APH1A: variants seen among roughly 807,000 people sequenced by gnomAD.
APH1A encodes the protein aph-1A gamma-secretase subunit.
APH1A carries 16 observed loss-of-function variants against 30.3 expected under a neutral mutation model. That is an observed-to-expected ratio of 0.53 (90% CI 0.36 to 0.80). The LOEUF is 0.80. Ranked by LOEUF, APH1A falls within the 30% of genes least tolerant of loss-of-function variation. The pLI is 0.01. For missense variants in APH1A, 245 were observed against 337.8 expected, an observed-to-expected ratio of 0.73 and a Z score of 2.15; for synonymous variants, 144 against 140.1, an observed-to-expected ratio of 1.03 and a Z score of -0.20.
chr1:150,267,501 CA>C, intron 3 of APH1A, 23 bp from the exon 4 acceptor site: 1 of 1,612,894 alleles, frequency 6.2e-7, no homozygotes, highest in Non-Finnish European at 8.5e-7. Flanking sequence ...AGGATCTCAT[CA>C]ATGTCAGAGA....
Position 150,267,483 on chromosome 1 carries a change from G to A in APH1A, c.359-5C>T, listed in dbSNP as rs782191839. 6.8e-6 allele frequency: 11 copies of A among 1,613,818 alleles called. No homozygotes were observed. The highest frequency in any genetic ancestry group is 6.7e-5 in the Admixed American group (4 of 59,996). On this transcript the variant is annotated splice_polypyrimidine_tract_variant and splice_region_variant and intron_variant, in intron 3 of 6. Coordinates refer to ENST00000369109, the MANE Select transcript of APH1A (RefSeq NM_001077628.3). Reference sequence around the variant, plus strand: ...TACCGAAGGAGAGACCAGAAACTGGGGGAAGGGAGGATCTCATCAATGTCA... The same window carrying A: ...TACCGAAGGAGAGACCAGAAACTGGAGGAAGGGAGGATCTCATCAATGTCA...
At position 150,265,923 on chromosome 1, in the gene APH1A, A is replaced by C. The variant is rs1267163504; in HGVS notation, c.*207T>G. On this transcript the variant is annotated 3_prime_UTR_variant, in exon 7 of 7. Coordinates refer to ENST00000369109, the MANE Select transcript of APH1A (RefSeq NM_001077628.3). The stretch of plus-strand genomic sequence containing the variant: ...AAATGGTTCCCCCTCAGGCCTGAGA[A>C]AAAGACCAAGATGTCCAGTCTTGAG... 1 of 615,630 alleles carries C rather than the reference A, an allele frequency of 1.6e-6. No individual in the cohort carries two copies. 38.1% of individuals were successfully genotyped at this position (615,630 alleles called of 1,614,324 possible).
chr1:150,266,824 C>G, intron 5 of APH1A, 168 bp from the exon 6 acceptor site: 1 of 1,068,700 alleles, frequency 9.4e-7, no homozygotes, highest in Non-Finnish European at 1.3e-6. Context: ...TTCAGCTCCT[C>G]AGAAACTCAA....
At position 150,268,786 on chromosome 1, in the gene APH1A, A is replaced by G; in HGVS notation, c.25T>C (p.Cys9Arg). 1.2e-6 allele frequency: 2 copies of G among 1,613,736 alleles called. No homozygotes were observed. The highest frequency in any genetic ancestry group is 1.7e-6 in the Non-Finnish European group (2 of 1,179,874). MGAAVFFGCTFVAFGPAFA... is the reference protein window; with the variant it reads MGAAVFFGRTFVAFGPAFA... ...GCCGGGCCGAACGCGACGAAAGTGCAGCCGAAAAACACCGCAGCCCCCATG... is the reference window on the plus strand; with the variant it reads ...GCCGGGCCGAACGCGACGAAAGTGCGGCCGAAAAACACCGCAGCCCCCATG... The change falls in exon 1 of 7, where the codon TGC becomes CGC. Residue 9 changes from cysteine to arginine, a missense_variant. Cys to Arg is a radical substitution (Grantham distance 180). Transcript: ENST00000369109.
intron 4 of APH1A, 23 bp from the exon 5 acceptor site, chr1:150,267,225 G>C: frequency 2.5e-6 from 4 of 1,614,074 alleles, no homozygotes; most frequent in Non-Finnish European, 3.4e-6. Context: ...AGATGGGGAG[G>C]AGATACATCC....
At chr1:150,266,276 G>A (rs1651702411) in intron 6 of APH1A, 82 bp from the exon 7 acceptor site, 1 of 1,528,482 alleles carries the variant, frequency 6.5e-7, no homozygotes, top group African/African-American at 1.4e-5. Context: ...ACAACAAGGG[G>A]GTCCCCAGGT....
Position 150,269,009 on chromosome 1 carries a change from C to G in APH1A, c.-199G>C, listed in dbSNP as rs1572091845. ...GTCCGCGCCACTTCCTCTACGGAAG[C>G]CGAAGAGGGGACAAATCCCGGCCGC... is the stretch of plus-strand genomic sequence containing the variant. On this transcript the variant is annotated 5_prime_UTR_variant, in exon 1 of 7. Coordinates refer to ENST00000369109, the MANE Select transcript of APH1A (RefSeq NM_001077628.3). 3 of 533,040 alleles carry G rather than the reference C, an allele frequency of 5.6e-6. No individual in the cohort carries two copies. Among genetic ancestry groups the G allele is most frequent in the South Asian group, 4.2e-5 (2 of 48,192 alleles). The allele number at this position is 533,040 out of a possible 1,614,324, so 33.0% of individuals were successfully genotyped here. A position where few individuals can be genotyped will look rare whatever the true frequency, so the allele number is the denominator to read the frequency against.
Position 150,265,658 on chromosome 1 carries a change from CTGG to C in APH1A, c.*469_*471del, listed in dbSNP as rs1651618282. On this transcript the variant is annotated 3_prime_UTR_variant, in exon 7 of 7. Transcript: ENST00000369109. ...CTTCACCTTGGGGAGAGGAGGGATG[CTGG>C]TGGTTAAGGAGGTTAAAACCATTAG... 1 of 154,888 alleles carries C rather than the reference CTGG, an allele frequency of 6.5e-6. No homozygotes were observed. The highest frequency in any genetic ancestry group is 2.4e-5 in the African/African-American group (1 of 41,434). The allele number at this position is 154,888 out of a possible 1,614,324, so 9.6% of individuals were successfully genotyped here. A position where few individuals can be genotyped will look rare whatever the true frequency, so the allele number is the denominator to read the frequency against.
At position 150,268,631 on chromosome 1, in the gene APH1A, G is replaced by C. The variant is rs1237531162; in HGVS notation, c.113+67C>G. On this transcript the variant is annotated intron_variant, in intron 1 of 6. Transcript: ENST00000369109. Reference sequence around the variant, plus strand: ...AATTCAGGCTCCCAGGCTTGCCCCAGTTCCTCCAGCCCCTTCCGCACCTCT... The same window carrying C: ...AATTCAGGCTCCCAGGCTTGCCCCACTTCCTCCAGCCCCTTCCGCACCTCT... 6.7e-6 allele frequency: 10 copies of C among 1,487,662 alleles called. No homozygotes were observed. The African/African-American group carries it at 7.0e-5, about 10-fold the overall frequency. 92.2% of individuals were successfully genotyped at this position (1,487,662 alleles called of 1,614,324 possible).
In APH1A at chr1:150,266,165, C is replaced by T; in HGVS notation, c.763G>A (p.Val255Met). 2.5e-6 allele frequency: 4 copies of T among 1,604,180 alleles called. No individual in the cohort carries two copies. Among genetic ancestry groups the T allele is most frequent in the Non-Finnish European group, 3.4e-6 (4 of 1,175,474 alleles). The change falls in exon 7 of 7, where the codon GTG (valine) becomes ATG (methionine). Residue 255 changes from valine (V) to methionine (M), a missense_variant. Transcript: ENST00000369109. ...CRRQEDSRVM[V>M]YSALRIPPED Reference sequence around the variant, plus strand: ...GGTGGGATGCGCAGGGCAGAATACACCATCACCCGACTGTCCTCCTGCCGT... The same window carrying T: ...GGTGGGATGCGCAGGGCAGAATACATCATCACCCGACTGTCCTCCTGCCGT...
At chr1:150,268,259 AG>A in intron 1 of APH1A, 132 bp from the exon 2 acceptor site, 2 of 1,018,706 alleles carry the variant, frequency 2.0e-6, no homozygotes, top group Non-Finnish European at 2.8e-6. Context: ...TGGACCAGGT[AG>A]GGTAACTGTC....
At chr1:150,266,890 C>A (rs1269506600) in intron 5 of APH1A, 185 bp downstream of exon 5, 1 of 1,122,948 alleles carries the variant, frequency 8.9e-7, no homozygotes, top group Non-Finnish European at 1.2e-6. Flanking sequence ...TTGACTAATC[C>A]TTTCAACCTC....
chr1:150,267,926 CT>C lies in APH1A; in HGVS notation c.284+30del, dbSNP rs782672503. 5.6e-6 allele frequency: 9 copies of C among 1,613,250 alleles called. No homozygotes were observed. The African/African-American group carries it at 1.1e-4, about 19-fold the overall frequency. On this transcript the variant is annotated intron_variant, in intron 2 of 6. Transcript: ENST00000369109. ...CTTCCCATAGTGCAGTCCTTTGCCC[CT>C]CTCCCCTCCAGACCACTCCATCTTC...
intron 6 of APH1A, 64 bp downstream of exon 6, chr1:150,266,469 G>A: frequency 6.2e-7 from 1 of 1,609,772 alleles, no homozygotes. Flanking sequence ...GCTGGGCTCA[G>A]TCATGGGCAG....
At chr1:150,266,951 A>C in intron 5 of APH1A, 124 bp downstream of exon 5, 2 of 1,461,048 alleles carry the variant, frequency 1.4e-6, no homozygotes, top group Non-Finnish European at 1.9e-6. Context: ...ACCTTGAAAG[A>C]CTCACCTTTC....
At position 150,267,394 on chromosome 1, in the gene APH1A, C is replaced by G. The variant is rs1651820432; in HGVS notation, c.443G>C (p.Gly148Ala). ...GTAATAGGGTGAGTCTCCATGGATC[C>G]CAACCACACCTGGCCCAAGTGCATC... ...LADALGPGVV[G>A]IHGDSPYYFL... is the part of the protein sequence containing the mutation. Residue 148 changes from glycine (G) to alanine (A), a missense_variant, in exon 4 of 7, where the codon GGG (glycine) becomes GCG (alanine). By Grantham distance (60) the Gly-to-Ala change is moderately conservative. Coordinates refer to ENST00000369109, the MANE Select transcript of APH1A (RefSeq NM_001077628.3). 1.9e-6 allele frequency: 3 copies of G among 1,613,906 alleles called. No individual in the cohort carries two copies. In the South Asian group the frequency reaches 3.3e-5, roughly 18 times the overall value.
chr1:150,267,069 A>G lies in APH1A; in HGVS notation c.609+6T>C. The G allele has an allele frequency of 6.2e-7, 1 of 1,613,808 alleles. No individual in the cohort carries two copies. The highest frequency in any genetic ancestry group is 8.5e-7 in the Non-Finnish European group (1 of 1,179,918). ...TCCCTAACTCAGGCCCCTGTCTCCA[A>G]CTCACCAGTCCCGATGTCAGTAGGT... On this transcript the variant is annotated splice_donor_region_variant and intron_variant, in intron 5 of 6. Coordinates refer to ENST00000369109, the MANE Select transcript of APH1A (RefSeq NM_001077628.3).
rs978022390 is a variant in APH1A, at chr1:150,267,013, C to G, written c.609+62G>C. On this transcript the variant is annotated intron_variant, in intron 5 of 6. Coordinates refer to ENST00000369109, the MANE Select transcript of APH1A (RefSeq NM_001077628.3). ...GTTAAGAAGTGAGGATACCCTTTCC[C>G]CCACATCCCACTCACCATTAAATGC... The G allele has an allele frequency of 1.9e-6, 3 of 1,603,222 alleles. No individual in the cohort carries two copies. The African/African-American group carries it at 4.0e-5, about 22-fold the overall frequency.
intron 6 of APH1A, 70 bp downstream of exon 6, chr1:150,266,463 G>A: frequency 6.2e-7 from 1 of 1,604,120 alleles, no homozygotes; most frequent in African/African-American, 1.3e-5. Flanking sequence ...GCTGGGGCTG[G>A]GCTCAGTCAT....
Sources: allele counts gnomAD v4.1 joint callset, GRCh38; gene constraint gnomAD v4.1.1; transcripts MANE v1.5; gene names NCBI Gene and HGNC (gene_info 2026-07-23, HGNC 2026-07-21).